PCGF3: variants seen among roughly 807,000 people sequenced by gnomAD.
PCGF3 encodes polycomb group ring finger 3.
Under a neutral mutation model 33.1 loss-of-function variants are expected in PCGF3, and 7 were observed. The ratio of observed to expected loss-of-function variants is 0.21; its 90% CI spans 0.12 to 0.40. PCGF3 has a LOEUF of 0.40. Among genes scored for constraint, PCGF3 ranks in the 10% least tolerant of loss-of-function variants. PCGF3 has a pLI of 1.00. For missense variants in PCGF3, 211 were observed against 313.3 expected (o/e 0.67, Z 2.46); for synonymous variants, 153 against 121.3 (o/e 1.26, Z -1.72).
chr4:754,591 G>A lies in PCGF3; in HGVS notation c.463-6688G>A, dbSNP rs78921979. Among the ~76,000 whole-genome samples, 801 of 152,326 alleles carry A rather than the reference G, an allele frequency of 5.3e-3. 1 individual carries two copies. The highest frequency in any genetic ancestry group is 8.2e-3 in the Non-Finnish European group (556 of 68,024). On this transcript the variant is annotated intron_variant, in intron 8 of 10. Coordinates refer to ENST00000362003, the Ensembl canonical transcript of PCGF3. ...CTGGTGCCAGGCTGCCCCACGTGCC[G>A]TGGGTGGTGAGTCCGGGGCAGAGTG...
At chr4:722,738 GCCGGGTCCACACTCGCGACAT>G (rs1743151529) in intron 1 of PCGF3, among the ~76,000 whole-genome samples, 1 of 78,066 alleles carries the variant, frequency 1.3e-5, no homozygotes, top group African/African-American at 6.3e-5. Flanking sequence ...GCCCACCCAC[GCCGGGTCCACACTCGCGACAT>G]CGCCATCCAC....
chr4:753,695 C>G (rs1256030606), intron 8 of PCGF3, among the ~76,000 whole-genome samples: 1 of 151,460 alleles, frequency 6.6e-6, no homozygotes, highest in Non-Finnish European at 1.5e-5. Flanking sequence ...CGCCTGTAAT[C>G]CCAGTACTTT....
chr4:748,804 C>T (rs10213196), intron 8 of PCGF3, among the ~76,000 whole-genome samples: 16,465 of 151,996 alleles, frequency 0.11, 1,750 homozygotes, highest in African/African-American at 0.28. Context: ...CTCGTCTGCG[C>T]GGAGGCCCCT....
At chr4:712,021 G>T (rs1295933041) in intron 1 of PCGF3, among the ~76,000 whole-genome samples, 1 of 151,840 alleles carries the variant, frequency 6.6e-6, no homozygotes, top group Admixed American at 6.6e-5. Flanking sequence ...GAAATATAGT[G>T]AGGTTTAGGG....
chr4:713,490 GGTGGGGGCTGTGGCCTT>G (rs1391795593), intron 1 of PCGF3, among the ~76,000 whole-genome samples: 2 of 132,978 alleles, frequency 1.5e-5, no homozygotes, highest in African/African-American at 5.7e-5. Flanking sequence ...TGTGTGGCCT[GGTGGGGGCTGTGGCCTT>G]GTGGGTCCTG....
Position 752,933 on chromosome 4 carries a change from C to T in PCGF3, c.462+8245C>T, listed in dbSNP as rs377558750. ...CGTCTGTCCAGGGCTCTTCTGAACA[C>T]GTCCCTGATGAAACTCTTCTCTCAC... On this transcript the variant is annotated intron_variant, in intron 8 of 10. Coordinates refer to ENST00000362003, the Ensembl canonical transcript of PCGF3. Among the ~76,000 whole-genome samples, 72 of 152,384 alleles carry T rather than the reference C, an allele frequency of 4.7e-4. 1 individual carries two copies. Among genetic ancestry groups the T allele is most frequent in the African/African-American group, 1.1e-3 (44 of 41,584 alleles).
At chr4:712,962 T>C (rs1346637974) in intron 1 of PCGF3, among the ~76,000 whole-genome samples, 1 of 152,098 alleles carries the variant, frequency 6.6e-6, no homozygotes, top group Non-Finnish European at 1.5e-5. Context: ...GTGGGTCTTA[T>C]GGGGGCTGTG....
chr4:728,868 G>A (rs1351011750), intron 1 of PCGF3, among the ~76,000 whole-genome samples: 1 of 152,084 alleles, frequency 6.6e-6, no homozygotes, highest in Non-Finnish European at 1.5e-5. Flanking sequence ...GGGAGGCCGA[G>A]GTGGGTGAAT....
Position 716,395 on chromosome 4 carries a change from C to T in PCGF3, c.-190+10425C>T, listed in dbSNP as rs577958339. On this transcript the variant is annotated intron_variant, in intron 1 of 10. Transcript: ENST00000362003. ...CACTGTGAGTGTGAGAACTGGGCGT[C>T]GGTGCTGGGACCCTGTAGACACTGA... 7.2e-3 allele frequency among the ~76,000 whole-genome samples: 900 copies of T among 125,642 alleles called. 21 individuals carry two copies. The highest frequency in any genetic ancestry group is 0.028 in the African/African-American group (836 of 29,784). 82.4% of individuals were successfully genotyped at this position (125,642 alleles called of 152,430 possible).
At chr4:740,142 C>T (rs897755378) in intron 6 of PCGF3, among the ~76,000 whole-genome samples, 2 of 152,262 alleles carry the variant, frequency 1.3e-5, no homozygotes, top group Admixed American at 6.5e-5. Flanking sequence ...CTTCCTGAAA[C>T]GCGCGTTAGC....
chr4:713,682 A>G (rs1243287653), intron 1 of PCGF3, among the ~76,000 whole-genome samples: 2 of 152,180 alleles, frequency 1.3e-5, no homozygotes, highest in East Asian at 1.9e-4. Context: ...TAGATGCTCA[A>G]TAAACAGTAA....
intron 8 of PCGF3, among the ~76,000 whole-genome samples, chr4:755,042 G>C (rs955275591): frequency 6.6e-6 from 1 of 152,226 alleles, no homozygotes; most frequent in Non-Finnish European, 1.5e-5. Context: ...AGGTCTTTCT[G>C]CAGTGCCCTC....
chr4:754,415 A>G (rs9994328), intron 8 of PCGF3, among the ~76,000 whole-genome samples: 10,965 of 152,236 alleles, frequency 0.072, 1,291 homozygotes, highest in African/African-American at 0.25. Context: ...CTCTGCCTGC[A>G]AGGGCCTCGC....
At chr4:751,931 C>CCTGT (rs373116753) in intron 8 of PCGF3, among the ~76,000 whole-genome samples, 4 of 152,264 alleles carry the variant, frequency 2.6e-5, no homozygotes, top group African/African-American at 7.2e-5. Flanking sequence ...AGCCTCAAGG[C>CCTGT]ACAGGCCTCC....
At chr4:714,801 TG>T (rs1742737635) in intron 1 of PCGF3, among the ~76,000 whole-genome samples, 1 of 152,254 alleles carries the variant, frequency 6.6e-6, no homozygotes, top group South Asian at 2.1e-4. Context: ...CACGCAAACC[TG>T]GGCACTCCCG....
intron 3 of PCGF3, among the ~76,000 whole-genome samples, chr4:732,649 C>T (rs1743648989): frequency 6.6e-6 from 1 of 152,126 alleles, no homozygotes; most frequent in Non-Finnish European, 1.5e-5. Context: ...CGATGTGGGG[C>T]TCAGCAGAGA....
intron 9 of PCGF3, chr4:761,630 G>A (rs1745064156): frequency 1.0e-6 from 1 of 978,336 alleles, no homozygotes; most frequent in Non-Finnish European, 1.2e-6. Flanking sequence ...GAATGCTACT[G>A]TGAGTGGAAG....
intron 1 of PCGF3, chr4:723,901 G>A (rs1387161692): frequency 6.6e-6 from 1 of 152,532 alleles, no homozygotes; most frequent in Non-Finnish European, 1.5e-5. Flanking sequence ...GCATTCCGGG[G>A]ACAGGGCAGA....
chr4:750,447 G>C (rs1744462349), intron 8 of PCGF3, among the ~76,000 whole-genome samples: 1 of 152,212 alleles, frequency 6.6e-6, no homozygotes, highest in African/African-American at 2.4e-5. Flanking sequence ...GGTTGGTGTG[G>C]TGGGTAAACA....
Sources: gnomAD v4.1 joint callset for allele counts (sites outside exome capture counted in the v4.1 genomes callset) on GRCh38, gnomAD v4.1.1 for gene constraint, MANE v1.5 for transcripts, NCBI Gene and HGNC (gene_info 2026-07-23, HGNC 2026-07-21) for gene names.